CREB1: variants seen among roughly 807,000 people sequenced by gnomAD.
CREB1 encodes cyclic AMP-responsive element-binding protein 1.
Under a neutral mutation model 42.0 loss-of-function variants are expected in CREB1, and 2 were observed. The ratio of observed to expected loss-of-function variants is 0.05; its 90% CI spans 0.02 to 0.15. The LOEUF (loss-of-function observed/expected upper bound fraction) is 0.15, where lower values mean the gene tolerates loss of function less well. CREB1 is among the 10% of genes least tolerant of loss of function. The pLI, the probability that CREB1 is intolerant of heterozygous loss-of-function variation, is 1.00. For missense variants in CREB1, 199 were observed against 388.9 expected (o/e 0.51, Z 4.11); for synonymous variants, 123 against 139.9 (o/e 0.88, Z 0.85).
intron 7 of CREB1, among the ~76,000 whole-genome samples, chr2:207,596,550 C>T (rs2106636796): frequency 1.3e-5 from 2 of 152,328 alleles, no homozygotes; most frequent in Middle Eastern, 6.8e-3. Context: ...GCCCATGGCT[C>T]AGCCTTCCAA....
chr2:207,592,918 G>GAAAAAAA (rs1034475253), intron 7 of CREB1, among the ~76,000 whole-genome samples: 3 of 151,940 alleles, frequency 2.0e-5, no homozygotes, highest in Admixed American at 1.3e-4. Context: ...TCTCAAAAAA[G>GAAAAAAA]AAAAGAAAAT....
chr2:207,570,358 G>GA, intron 5 of CREB1, 37 bp downstream of exon 5: 1 of 1,531,838 alleles, frequency 6.5e-7, no homozygotes, highest in Non-Finnish European at 8.8e-7. Context: ...ATTGTGAGGA[G>GA]AAAAAAGTGA....
chr2:207,538,737 A>C (rs1432681250), intron 1 of CREB1, among the ~76,000 whole-genome samples: 2 of 152,246 alleles, frequency 1.3e-5, no homozygotes, highest in Non-Finnish European at 2.9e-5. Flanking sequence ...GACTTATACC[A>C]ATGATGATAG....
At chr2:207,555,869 C>G in intron 2 of CREB1, 120 bp downstream of exon 2, 2 of 599,280 alleles carry the variant, frequency 3.3e-6, no homozygotes, top group South Asian at 2.4e-5. Context: ...CTTACAATAT[C>G]AAAATTCCTA....
intron 7 of CREB1, among the ~76,000 whole-genome samples, chr2:207,589,515 G>A (rs1465706744): frequency 6.6e-6 from 1 of 152,096 alleles, no homozygotes; most frequent in Non-Finnish European, 1.5e-5. Flanking sequence ...GCCATATAAG[G>A]TAACATACTC....
At chr2:207,550,097 T>C (rs917837079) in intron 1 of CREB1, among the ~76,000 whole-genome samples, 3 of 152,180 alleles carry the variant, frequency 2.0e-5, no homozygotes, top group African/African-American at 7.2e-5. Flanking sequence ...CTTATAGATA[T>C]ATTTATGCAG....
Position 207,555,634 on chromosome 2 carries a change from A to G in CREB1, c.-2A>G. The G allele has an allele frequency of 6.2e-7, 1 of 1,601,150 alleles. No individual in the cohort carries two copies. The highest frequency in any genetic ancestry group is 1.7e-5 in the Admixed American group (1 of 59,844). On this transcript the variant is annotated 5_prime_UTR_variant, in exon 2 of 8. Transcript: ENST00000353267. ...CTCTTCCATATTATTATAGGTAACTAAATGACCATGGAATCTGGAGCCGAG... is the reference window on the plus strand; with the variant it reads ...CTCTTCCATATTATTATAGGTAACTGAATGACCATGGAATCTGGAGCCGAG...
chr2:207,534,854 C>T (rs1025891155), intron 1 of CREB1, among the ~76,000 whole-genome samples: 2 of 152,138 alleles, frequency 1.3e-5, no homozygotes, highest in Non-Finnish European at 2.9e-5. Context: ...TATGCAAACA[C>T]GAGCAAATAT....
At chr2:207,534,365 T>C (rs1422575512) in intron 1 of CREB1, among the ~76,000 whole-genome samples, 1 of 152,340 alleles carries the variant, frequency 6.6e-6, no homozygotes, top group African/African-American at 2.4e-5. Flanking sequence ...GCCTCCCTAG[T>C]AGCTGGAACT....
At chr2:207,560,458 GAC>G in intron 3 of CREB1, 86 bp downstream of exon 3, 1 of 1,321,550 alleles carries the variant, frequency 7.6e-7, no homozygotes, top group Non-Finnish European at 1.1e-6. Context: ...TGAAAATAAG[GAC>G]ACATCTAGTT....
intron 5 of CREB1, among the ~76,000 whole-genome samples, chr2:207,572,243 A>G (rs2082396174): frequency 6.8e-6 from 1 of 146,890 alleles, no homozygotes; most frequent in African/African-American, 2.6e-5. Flanking sequence ...AAAAAAAAAA[A>G]GAGAGATTAA....
At chr2:207,575,522 A>G in intron 6 of CREB1, 68 bp downstream of exon 6, 3 of 1,365,142 alleles carry the variant, frequency 2.2e-6, no homozygotes, top group Admixed American at 1.9e-5. Flanking sequence ...AAACTCACAG[A>G]AAAAGTAAGT....
At chr2:207,588,740 T>TG (rs1553508130) in intron 7 of CREB1, among the ~76,000 whole-genome samples, 43 of 109,590 alleles carry the variant, frequency 3.9e-4, no homozygotes, top group African/African-American at 8.5e-4. Context: ...TTTTTTTTTT[T>TG]TTGTGTGTGG....
In CREB1 at chr2:207,597,225, G is replaced by A; in HGVS notation, c.*167G>A. 2 of 698,360 alleles carry A rather than the reference G, an allele frequency of 2.9e-6. No individual in the cohort carries two copies. The highest frequency in any genetic ancestry group is 2.2e-6 in the Non-Finnish European group (1 of 460,178). The allele number at this position is 698,360 out of a possible 1,614,324, so 43.3% of individuals were successfully genotyped here. A position where few individuals can be genotyped will look rare whatever the true frequency, so the allele number is the denominator to read the frequency against. ...TTCATTTGTGCTTTTGCATTAAACT[G>A]TGAATGTTCCAACACCTGCCTCCAC... On this transcript the variant is annotated 3_prime_UTR_variant, in exon 8 of 8. Transcript: ENST00000353267.
At chr2:207,591,592 C>G (rs532822381) in intron 7 of CREB1, among the ~76,000 whole-genome samples, 127 of 152,148 alleles carry the variant, frequency 8.3e-4, no homozygotes, top group Non-Finnish European at 1.1e-3. Context: ...GCCACCACAC[C>G]CAGCTAATTT....
rs1044217894 is a variant in CREB1, at chr2:207,576,949, A to G, written c.689-556A>G. 3.5e-6 allele frequency: 3 copies of G among 868,996 alleles called. No homozygotes were observed. In the East Asian group the frequency reaches 3.6e-4, roughly 105 times the overall value. 53.8% of individuals were successfully genotyped at this position (868,996 alleles called of 1,614,324 possible). A position where few individuals can be genotyped will look rare whatever the true frequency, so the allele number is the denominator to read the frequency against. ...AGCCATTATCATTTACATTAAAACA[A>G]TATGTTTTTCAAATAATATAATTGG... On this transcript the variant is annotated intron_variant, in intron 6 of 7. Transcript: ENST00000353267.
At position 207,529,972 on chromosome 2, in the gene CREB1, G is replaced by GGCT. The variant is rs1184373736; in HGVS notation, c.-162_-160dup. 6.4e-6 allele frequency: 1 copy of GGCT among 155,998 alleles called. No individual in the cohort carries two copies. The highest frequency in any genetic ancestry group is 1.4e-5 in the Non-Finnish European group (1 of 70,804). The allele number at this position is 155,998 out of a possible 1,614,324, so 9.7% of individuals were successfully genotyped here. A position where few individuals can be genotyped will look rare whatever the true frequency, so the allele number is the denominator to read the frequency against. ...TGGCTGCGGCTCCTCAGTCGGCGGCGGCTGCTGCTGCCTGTGGCCCGGGCG... is the reference window on the plus strand; with the variant it reads ...TGGCTGCGGCTCCTCAGTCGGCGGCGGCTGCTGCTGCTGCCTGTGGCCCGGGCG... On this transcript the variant is annotated 5_prime_UTR_variant, in exon 1 of 8. Coordinates refer to ENST00000353267, the MANE Select transcript of CREB1 (RefSeq NM_004379.5).
intron 1 of CREB1, among the ~76,000 whole-genome samples, chr2:207,533,050 G>A (rs1298071203): frequency 6.6e-6 from 1 of 150,820 alleles, no homozygotes; most frequent in South Asian, 2.1e-4. Context: ...CACTGTTCCA[G>A]CCATGGATAA....
chr2:207,538,043 ATAAT>A (rs2080946613), intron 1 of CREB1, among the ~76,000 whole-genome samples: 1 of 152,208 alleles, frequency 6.6e-6, no homozygotes, highest in South Asian at 2.1e-4. Context: ...AAAATTTTTA[ATAAT>A]TTTGTGCATG....
Sources: allele counts gnomAD v4.1 joint callset (sites outside exome capture counted in the v4.1 genomes callset), GRCh38; gene constraint gnomAD v4.1.1; transcripts MANE v1.5; gene names NCBI Gene and HGNC (gene_info 2026-07-23, HGNC 2026-07-21).